DOCK1: variants seen among roughly 807,000 people sequenced by gnomAD.
DOCK1 encodes dedicator of cytokinesis protein 1.
In DOCK1, 138 loss-of-function variants were observed where a neutral mutation model predicts 262.7. The observed-to-expected ratio is 0.53, with a 90% CI of 0.46 to 0.61. The LOEUF is 0.61. Ranked by LOEUF, DOCK1 falls within the 20% of genes least tolerant of loss-of-function variation. DOCK1 has a pLI of 0.00. For synonymous variants in DOCK1, 866 were observed against 867.4 expected (o/e 1.00, Z 0.03); for missense variants, 1,908 against 2,370.7 (o/e 0.80, Z 4.05).
intron 41 of DOCK1, 63 bp from the exon 42 acceptor site, chr10:127,409,250 G>A (rs2296629): frequency 0.26 from 418,387 of 1,611,368 alleles, 58,044 homozygotes; most frequent in East Asian, 0.5. Flanking sequence ...TGGGTGTGGT[G>A]GGGGGCCTCT....
chr10:127,115,961 A>C (rs2049154724), intron 25 of DOCK1, among the ~76,000 whole-genome samples: 1 of 152,188 alleles, frequency 6.6e-6, no homozygotes, highest in Non-Finnish European at 1.5e-5. Context: ...CTGTGTACTT[A>C]TCATTTTGTC....
At chr10:127,101,976 CA>C (rs1420526918) in intron 23 of DOCK1, among the ~76,000 whole-genome samples, 1 of 152,096 alleles carries the variant, frequency 6.6e-6, no homozygotes, top group East Asian at 1.9e-4. Context: ...GGAAGCAGAA[CA>C]TTTGAAATCA....
intron 27 of DOCK1, among the ~76,000 whole-genome samples, chr10:127,228,758 T>G (rs1348097879): frequency 6.6e-6 from 1 of 152,238 alleles, no homozygotes; most frequent in Non-Finnish European, 1.5e-5. Context: ...GCATATTACA[T>G]TGTCATTATG....
At chr10:127,032,414 G>A (rs994521667) in intron 18 of DOCK1, 94 bp downstream of exon 18, 17 of 1,312,744 alleles carry the variant, frequency 1.3e-5, no homozygotes, top group Non-Finnish European at 1.6e-5. Context: ...TGCTCCGTAG[G>A]TGCATGAACG....
chr10:127,213,153 A>G (rs951101165), intron 27 of DOCK1, among the ~76,000 whole-genome samples: 4 of 152,322 alleles, frequency 2.6e-5, no homozygotes, highest in Admixed American at 2.6e-4. Flanking sequence ...TTTCTTTTAC[A>G]TGTATTTCAA....
chr10:126,989,182 C>T (rs1015891809), intron 5 of DOCK1, among the ~76,000 whole-genome samples: 2 of 151,746 alleles, frequency 1.3e-5, no homozygotes, highest in Non-Finnish European at 2.9e-5. Flanking sequence ...GAGAAGGCAG[C>T]GTGGATATTA....
At chr10:126,963,602 T>C (rs1453662396) in intron 1 of DOCK1, among the ~76,000 whole-genome samples, 2 of 53,248 alleles carry the variant, frequency 3.8e-5, no homozygotes, top group African/African-American at 2.2e-4. Context: ...TCCCTTCCCT[T>C]CCCTTCCCTT....
chr10:127,405,281 G>A (rs976103863), intron 40 of DOCK1, among the ~76,000 whole-genome samples: 1 of 152,146 alleles, frequency 6.6e-6, no homozygotes. Flanking sequence ...TCACCTGCCA[G>A]GTGCCCATTT....
chr10:127,430,588 C>G (rs1415442387), intron 47 of DOCK1, among the ~76,000 whole-genome samples: 2 of 152,044 alleles, frequency 1.3e-5, no homozygotes, highest in Non-Finnish European at 2.9e-5. Flanking sequence ...CTGGGCCTGC[C>G]CATCTTCTGC....
rs370593270 is a variant in DOCK1 at position 127,313,210 on chromosome 10, C to T, written c.3045-25796C>T. On this transcript the variant is annotated intron_variant, in intron 29 of 51. Coordinates refer to ENST00000623213, the MANE Select transcript of DOCK1 (RefSeq NM_001290223.2). ...CGTCTTCCTCTATTTCCATGAGGCA[C>T]CATGGGCACCCCTCACCTCCCCTCA... Among the ~76,000 whole-genome samples the T allele has an allele frequency of 3.3e-4, 51 of 152,272 alleles. 1 individual carries two copies. In the South Asian group the frequency reaches 0.01, roughly 30 times the overall value.
intron 28 of DOCK1, among the ~76,000 whole-genome samples, chr10:127,249,432 TACACACAC>T (rs376080330): frequency 0.023 from 2,247 of 96,938 alleles, 31 homozygotes; most frequent in Non-Finnish European, 0.032. Flanking sequence ...CATATATATA[TACACACAC>T]ACACACACAC....
chr10:127,029,337 C>T (rs1439500162), intron 16 of DOCK1, among the ~76,000 whole-genome samples: 1 of 152,212 alleles, frequency 6.6e-6, no homozygotes, highest in South Asian at 2.1e-4. Flanking sequence ...CCACATTGGT[C>T]CCCACTTGCT....
chr10:127,371,330 A>G (rs2065198165), intron 33 of DOCK1, among the ~76,000 whole-genome samples: 1 of 152,226 alleles, frequency 6.6e-6, no homozygotes, highest in Admixed American at 6.5e-5. Context: ...TAGTAAAATT[A>G]GAATCAGCTG....
chr10:127,391,382 C>T (rs2104511), intron 38 of DOCK1, among the ~76,000 whole-genome samples: 40,838 of 151,928 alleles, frequency 0.27, 5,608 homozygotes, highest in South Asian at 0.3. Flanking sequence ...AAACAGGCAG[C>T]TGCCAAGATA....
chr10:126,978,073 A>G, intron 3 of DOCK1, 85 bp downstream of exon 3: 1 of 1,333,456 alleles, frequency 7.5e-7, no homozygotes, highest in East Asian at 2.3e-5. Context: ...TTTGTGTCTG[A>G]GGGTTTTACT....
chr10:127,106,941 A>G (rs72834668), intron 24 of DOCK1, among the ~76,000 whole-genome samples: 3,822 of 152,112 alleles, frequency 0.025, 65 homozygotes, highest in Non-Finnish European at 0.043. Flanking sequence ...TTGTGAGCAA[A>G]TGGGATACAC....
In DOCK1 at chr10:127,428,700, GTGTGGACTGTGTCA is replaced by G. The variant is rs796268606; in HGVS notation, c.4914+2696_4914+2709del. Among the ~76,000 whole-genome samples, 273 of 137,602 alleles carry G rather than the reference GTGTGGACTGTGTCA, an allele frequency of 2.0e-3. 2 individuals carry two copies. Among genetic ancestry groups the G allele is most frequent in the African/African-American group, 7.1e-3 (259 of 36,736 alleles). The allele number at this position is 137,602 out of a possible 152,430, so 90.3% of individuals were successfully genotyped here. On this transcript the variant is annotated intron_variant, in intron 47 of 51. Transcript: ENST00000623213. ...GGGGTACCGTGTGGATTGTGGTGCT[GTGTGGACTGTGTCA>G]TGTGGATTGTGGTGTCCTGTGGATT...
chr10:127,310,529 G>C (rs928900537), intron 29 of DOCK1, among the ~76,000 whole-genome samples: 1 of 152,194 alleles, frequency 6.6e-6, no homozygotes, highest in Non-Finnish European at 1.5e-5. Flanking sequence ...TACTTAAACT[G>C]TGCATTTTGT....
chr10:127,167,880 G>T (rs1184394588), intron 27 of DOCK1, among the ~76,000 whole-genome samples: 1 of 152,074 alleles, frequency 6.6e-6, no homozygotes, highest in Non-Finnish European at 1.5e-5. Context: ...CTGTGTTCAA[G>T]CTCCTCCCCT....
Sources: gnomAD v4.1 joint callset for allele counts (sites outside exome capture counted in the v4.1 genomes callset) on GRCh38, gnomAD v4.1.1 for gene constraint, MANE v1.5 for transcripts, NCBI Gene and HGNC (gene_info 2026-07-23, HGNC 2026-07-21) for gene names.